RGS5: variants seen among roughly 807,000 people sequenced by gnomAD.
The protein encoded by RGS5 is regulator of G-protein signalling 5.
In RGS5, 20 loss-of-function variants were observed where a neutral mutation model predicts 18.9. That is an observed-to-expected ratio of 1.06 (90% CI 0.74 to 1.54). RGS5 has a LOEUF of 1.54. Among genes scored for constraint, RGS5 ranks in the 40% most tolerant of loss-of-function variants. RGS5 has a pLI of 0.00. For synonymous variants in RGS5, 57 were observed against 76.2 expected (o/e 0.75, Z 1.31); for missense variants, 201 against 211.8 (o/e 0.95, Z 0.32).
chr1:163,197,302 T>G (rs1330544833), intron 1 of RGS5, among the ~76,000 whole-genome samples: 1 of 152,010 alleles, frequency 6.6e-6, no homozygotes, highest in Non-Finnish European at 1.5e-5. Context: ...CTTCCTTCTC[T>G]CTCCTCTTCC....
intron 3 of RGS5, among the ~76,000 whole-genome samples, chr1:163,156,941 A>G (rs191775571): frequency 6.6e-6 from 1 of 152,316 alleles, no homozygotes; most frequent in East Asian, 1.9e-4. Flanking sequence ...TTATTATAAT[A>G]ATTATTTTCA....
intron 2 of RGS5, among the ~76,000 whole-genome samples, chr1:163,282,194 C>T (rs1000161457): frequency 5.9e-5 from 9 of 152,060 alleles, no homozygotes; most frequent in Admixed American, 4.6e-4. Context: ...ATTTGACAAG[C>T]GACTATCAAT....
At chr1:163,150,984 C>T (rs1571209481) in intron 4 of RGS5, among the ~76,000 whole-genome samples, 1 of 152,162 alleles carries the variant, frequency 6.6e-6, no homozygotes, top group African/African-American at 2.4e-5. Context: ...CCGTGCTTGA[C>T]TCCAAACCTT....
At chr1:163,208,347 CAAAA>C (rs55848330) in intron 1 of RGS5, among the ~76,000 whole-genome samples, 1 of 37,894 alleles carries the variant, frequency 2.6e-5, no homozygotes, top group Non-Finnish European at 5.7e-5. Context: ...GACTCCGTCT[CAAAA>C]AAAAAAAAAA....
At chr1:163,167,196 C>T (rs1209494703) in intron 2 of RGS5, among the ~76,000 whole-genome samples, 1 of 152,186 alleles carries the variant, frequency 6.6e-6, no homozygotes, top group Non-Finnish European at 1.5e-5. Flanking sequence ...AAAGGACAGG[C>T]TGGCCAATTT....
chr1:163,288,679 C>T (rs1333720361), intron 2 of RGS5, among the ~76,000 whole-genome samples: 2 of 152,104 alleles, frequency 1.3e-5, no homozygotes, highest in Non-Finnish European at 2.9e-5. Context: ...CTCATTCACT[C>T]TCATCATTTC....
intron 1 of RGS5, among the ~76,000 whole-genome samples, chr1:163,176,942 T>C (rs923551420): frequency 6.6e-6 from 1 of 152,214 alleles, no homozygotes; most frequent in Admixed American, 6.5e-5. Context: ...AGCATTCACA[T>C]CTCAACAGTG....
intron 1 of RGS5, among the ~76,000 whole-genome samples, chr1:163,177,683 C>A (rs1157749348): frequency 3.9e-5 from 6 of 152,130 alleles, no homozygotes; most frequent in African/African-American, 1.4e-4. Context: ...CACGCAGTCA[C>A]CCCTCTCCAC....
At chr1:163,267,599 G>C (rs1648602433) in intron 2 of RGS5, among the ~76,000 whole-genome samples, 1 of 152,094 alleles carries the variant, frequency 6.6e-6, no homozygotes, top group Non-Finnish European at 1.5e-5. Context: ...CAGTTGAGCA[G>C]CTCACAATCT....
chr1:163,288,460 T>C (rs1008921628), intron 2 of RGS5, among the ~76,000 whole-genome samples: 2 of 152,208 alleles, frequency 1.3e-5, no homozygotes, highest in African/African-American at 2.4e-5. Flanking sequence ...AATCCAACTA[T>C]GATTTTCAAA....
intron 2 of RGS5, among the ~76,000 whole-genome samples, chr1:163,301,777 G>C (rs1291101132): frequency 6.6e-6 from 1 of 152,162 alleles, no homozygotes. Flanking sequence ...TTCACCTGCT[G>C]AGCTAAATTC....
intron 1 of RGS5, among the ~76,000 whole-genome samples, chr1:163,181,571 A>G (rs1031905180): frequency 3.3e-5 from 5 of 152,158 alleles, no homozygotes; most frequent in African/African-American, 1.2e-4. Context: ...CAGAGCAAAG[A>G]ACAGAACACA....
intron 2 of RGS5, among the ~76,000 whole-genome samples, chr1:163,163,049 G>GC: frequency 1.4e-5 from 2 of 145,352 alleles, no homozygotes; most frequent in African/African-American, 5.1e-5. Context: ...CGGGGGGGGG[G>GC]GTGGTTAATT....
chr1:163,243,058 T>C (rs936265389), intron 2 of RGS5, among the ~76,000 whole-genome samples: 3 of 152,192 alleles, frequency 2.0e-5, no homozygotes, highest in East Asian at 3.9e-4. Context: ...CCATCAATGA[T>C]AGACTGGATA....
intron 2 of RGS5, among the ~76,000 whole-genome samples, chr1:163,276,121 A>C (rs564063107): frequency 3.9e-5 from 6 of 152,134 alleles, no homozygotes; most frequent in Admixed American, 1.3e-4. Flanking sequence ...CAGCCTCTGG[A>C]GTAGCTGGGA....
chr1:163,222,809 T>C (rs983178818), intron 2 of RGS5, among the ~76,000 whole-genome samples: 1 of 152,124 alleles, frequency 6.6e-6, no homozygotes. Flanking sequence ...CTGTAGTTTT[T>C]CCTGTTATGT....
At chr1:163,184,746 G>A (rs1239727349) in intron 1 of RGS5, among the ~76,000 whole-genome samples, 2 of 152,158 alleles carry the variant, frequency 1.3e-5, no homozygotes, top group Non-Finnish European at 2.9e-5. Context: ...GCTGTAACAT[G>A]AGTCAAGGAA....
intron 2 of RGS5, among the ~76,000 whole-genome samples, chr1:163,166,804 G>C (rs1302122491): frequency 6.6e-6 from 1 of 152,140 alleles, no homozygotes; most frequent in Admixed American, 6.5e-5. Context: ...ACAGTTTAAG[G>C]GTCTATGTGA....
At chr1:163,165,658 C>A (rs969261787) in intron 2 of RGS5, among the ~76,000 whole-genome samples, 14 of 152,132 alleles carry the variant, frequency 9.2e-5, no homozygotes, top group African/African-American at 3.1e-4. Context: ...GTAATCCCAG[C>A]ACTTTGGGAG....
Sources: allele counts gnomAD v4.1 joint callset (sites outside exome capture counted in the v4.1 genomes callset), GRCh38; gene constraint gnomAD v4.1.1; transcripts MANE v1.5; gene names NCBI Gene and HGNC (gene_info 2026-07-23, HGNC 2026-07-21).